SGCZ: variants seen among roughly 807,000 people sequenced by gnomAD.
SGCZ encodes the protein sarcoglycan zeta.
SGCZ carries 40 observed loss-of-function variants against 41.3 expected under a neutral mutation model. That is an observed-to-expected ratio of 0.97 (90% confidence interval 0.75 to 1.26). The LOEUF is 1.26. SGCZ is among the 50% of genes most tolerant of loss of function. The pLI, the probability that SGCZ is intolerant of heterozygous loss-of-function variation, is 0.00. For missense variants in SGCZ, 552 were observed against 369.8 expected, an observed-to-expected ratio of 1.49 and a Z score of -4.04; for synonymous variants, 206 against 137.5, an observed-to-expected ratio of 1.50 and a Z score of -3.49.
chr8:15,021,194 A>G (rs898309803), intron 1 of SGCZ, among the ~76,000 whole-genome samples: 3 of 152,280 alleles, frequency 2.0e-5, no homozygotes, highest in African/African-American at 7.2e-5. Flanking sequence ...TAATAGATTT[A>G]GAACTGGTAT....
At chr8:15,205,688 G>A (rs1032268444) in intron 1 of SGCZ, among the ~76,000 whole-genome samples, 8 of 152,166 alleles carry the variant, frequency 5.3e-5, no homozygotes, top group Admixed American at 4.6e-4. Context: ...TTCAACCATT[G>A]AGAAAAGCAG....
At chr8:14,912,129 A>G (rs1416173607) in intron 1 of SGCZ, among the ~76,000 whole-genome samples, 4 of 152,052 alleles carry the variant, frequency 2.6e-5, no homozygotes, top group Non-Finnish European at 2.9e-5. Flanking sequence ...AATGTATGAA[A>G]TTGTGTTTTA....
intron 2 of SGCZ, among the ~76,000 whole-genome samples, chr8:14,409,019 C>G (rs1221888991): frequency 6.7e-6 from 1 of 148,748 alleles, no homozygotes; most frequent in Non-Finnish European, 1.5e-5. Context: ...GCCTCATTAA[C>G]TAGGTTTTCA....
intron 1 of SGCZ, among the ~76,000 whole-genome samples, chr8:14,983,822 T>C (rs531076737): frequency 6.6e-6 from 1 of 152,182 alleles, no homozygotes; most frequent in Non-Finnish European, 1.5e-5. Context: ...TATTTTACTA[T>C]ATCATAATAA....
At chr8:14,929,313 C>T (rs1435371984) in intron 1 of SGCZ, among the ~76,000 whole-genome samples, 1 of 152,136 alleles carries the variant, frequency 6.6e-6, no homozygotes, top group Non-Finnish European at 1.5e-5. Flanking sequence ...TTTAAATGTG[C>T]TCCTAGTGTA....
chr8:14,101,018 TA>T (rs1301176102), intron 7 of SGCZ, among the ~76,000 whole-genome samples: 1 of 151,764 alleles, frequency 6.6e-6, no homozygotes, highest in Non-Finnish European at 1.5e-5. Flanking sequence ...AAAATTGTAG[TA>T]AAAATATATA....
At chr8:14,961,887 T>C (rs1420223606) in intron 1 of SGCZ, among the ~76,000 whole-genome samples, 1 of 152,202 alleles carries the variant, frequency 6.6e-6, no homozygotes, top group Non-Finnish European at 1.5e-5. Context: ...TACTCCCTAT[T>C]CATAGCAACA....
chr8:14,486,578 G>T (rs1342778103), intron 2 of SGCZ, among the ~76,000 whole-genome samples: 1 of 152,216 alleles, frequency 6.6e-6, no homozygotes, highest in Non-Finnish European at 1.5e-5. Context: ...GTGTGTGTGT[G>T]TGCGCGCGCG....
intron 1 of SGCZ, among the ~76,000 whole-genome samples, chr8:14,962,353 G>GA (rs1215846439): frequency 2.6e-5 from 4 of 151,044 alleles, no homozygotes; most frequent in African/African-American, 4.9e-5. Flanking sequence ...CAAGGAATAT[G>GA]AAAAAAGGGG....
At chr8:14,221,869 GA>G (rs1259336307) in intron 4 of SGCZ, among the ~76,000 whole-genome samples, 1 of 151,872 alleles carries the variant, frequency 6.6e-6, no homozygotes, top group Non-Finnish European at 1.5e-5. Context: ...ACTGAGGCAG[GA>G]AAATCGCTTG....
intron 2 of SGCZ, among the ~76,000 whole-genome samples, chr8:14,447,591 G>C (rs570327264): frequency 6.6e-6 from 1 of 152,058 alleles, no homozygotes; most frequent in Non-Finnish European, 1.5e-5. Flanking sequence ...CAACTCTTAC[G>C]CTGTGCTTTA....
At chr8:14,847,049 G>A (rs1585314487) in intron 1 of SGCZ, among the ~76,000 whole-genome samples, 1 of 151,624 alleles carries the variant, frequency 6.6e-6, no homozygotes, top group Admixed American at 6.6e-5. Flanking sequence ...TCCAGCCTGG[G>A]TGACAGAGCA....
intron 1 of SGCZ, among the ~76,000 whole-genome samples, chr8:14,673,461 TCTCA>T (rs1437448627): frequency 2.6e-5 from 4 of 152,104 alleles, no homozygotes; most frequent in South Asian, 2.1e-4. Context: ...TCTCTCTCTC[TCTCA>T]CTCTCTCTCT....
At chr8:14,226,023 G>A (rs770942361) in intron 4 of SGCZ, among the ~76,000 whole-genome samples, 10 of 151,896 alleles carry the variant, frequency 6.6e-5, no homozygotes, top group Non-Finnish European at 1.3e-4. Context: ...AAAGGACGAT[G>A]GTATAAGTGA....
chr8:14,346,792 C>T (rs1218422562), intron 2 of SGCZ, among the ~76,000 whole-genome samples: 3 of 151,746 alleles, frequency 2.0e-5, no homozygotes, highest in South Asian at 2.1e-4. Flanking sequence ...TGCATTTTAT[C>T]CTTCTCTGTG....
chr8:15,109,992 T>G (rs1375341727), intron 1 of SGCZ, among the ~76,000 whole-genome samples: 1 of 152,190 alleles, frequency 6.6e-6, no homozygotes, highest in African/African-American at 2.4e-5. Flanking sequence ...AAATAAAGGA[T>G]TGCATGTGGC....
intron 3 of SGCZ, among the ~76,000 whole-genome samples, chr8:14,292,157 T>C (rs191899929): frequency 1.3e-4 from 20 of 152,140 alleles, no homozygotes; most frequent in Admixed American, 3.9e-4. Context: ...ACTTATTAAG[T>C]ACGAACTAGG....
chr8:15,201,602 A>C (rs1800892453), intron 1 of SGCZ, among the ~76,000 whole-genome samples: 1 of 152,190 alleles, frequency 6.6e-6, no homozygotes, highest in Non-Finnish European at 1.5e-5. Context: ...TTGAGTCTGC[A>C]TCTAGGCTTT....
chr8:14,283,694 C>T (rs1400970494), intron 3 of SGCZ, among the ~76,000 whole-genome samples: 2 of 152,118 alleles, frequency 1.3e-5, no homozygotes, highest in African/African-American at 4.8e-5. Context: ...GAACATGAGT[C>T]AGCAAGCTTT....
Sources: gnomAD v4.1 joint callset for allele counts (sites outside exome capture counted in the v4.1 genomes callset) on GRCh38, gnomAD v4.1.1 for gene constraint, MANE v1.5 for transcripts, NCBI Gene and HGNC (gene_info 2026-07-23, HGNC 2026-07-21) for gene names.